Variants in CEP126 observed in about 807,000 individuals in gnomAD.
CEP126 encodes the protein centrosomal protein 126.
CEP126 carries 74 observed loss-of-function variants against 107.8 expected under a neutral mutation model. The observed-to-expected ratio is 0.69, with a 90% confidence interval of 0.57 to 0.83. The LOEUF (loss-of-function observed/expected upper bound fraction) is 0.83. Ranked by LOEUF, CEP126 falls within the 40% of genes least tolerant of loss-of-function variation. CEP126 has a pLI of 0.00. For synonymous variants in CEP126, 449 were observed against 446.0 expected, an observed-to-expected ratio of 1.01 and a Z score of -0.08; for missense variants, 1,237 against 1,281.9, an observed-to-expected ratio of 0.96 and a Z score of 0.53.
intron 8 of CEP126, among the ~76,000 whole-genome samples, chr11:101,985,291 T>TC (rs1341732163): frequency 1.3e-5 from 2 of 152,132 alleles, no homozygotes; most frequent in Non-Finnish European, 2.9e-5. Flanking sequence ...AGTTTCTTTT[T>TC]TTTTTTTTTT....
chr11:101,973,954 A>G (rs1941162725), intron 6 of CEP126, among the ~76,000 whole-genome samples: 1 of 152,180 alleles, frequency 6.6e-6, no homozygotes, highest in South Asian at 2.1e-4. Flanking sequence ...GATCCAATAT[A>G]GATTATATGT....
At chr11:101,941,867 A>G (rs1446194710) in intron 2 of CEP126, among the ~76,000 whole-genome samples, 1 of 151,900 alleles carries the variant, frequency 6.6e-6, no homozygotes, top group Non-Finnish European at 1.5e-5. Flanking sequence ...GTGGCATTTC[A>G]TTGTGGTTTT....
At chr11:101,956,907 G>A (rs1388884797) in intron 4 of CEP126, 3 of 353,594 alleles carry the variant, frequency 8.5e-6, no homozygotes, top group African/African-American at 6.4e-5. Context: ...GAGAAGAAAG[G>A]AATAGAGAAG....
Position 101,927,499 on chromosome 11 carries a change from T to C in CEP126, c.248+4739T>C, listed in dbSNP as rs560530685. On this transcript the variant is annotated intron_variant, in intron 2 of 10. Coordinates refer to ENST00000263468, the MANE Select transcript of CEP126 (RefSeq NM_020802.4). ...TAATAATATGTTTACAGTCAAGAAA[T>C]AGAACAGTTCCATCACCACAAAGAT... Among the ~76,000 whole-genome samples, 9 of 152,194 alleles carry C rather than the reference T, an allele frequency of 5.9e-5. No homozygotes were observed. In the South Asian group the frequency reaches 1.7e-3, roughly 28 times the overall value.
chr11:101,972,437 T>G (rs1941142774), intron 6 of CEP126, among the ~76,000 whole-genome samples: 1 of 150,536 alleles, frequency 6.6e-6, no homozygotes, highest in Non-Finnish European at 1.5e-5. Flanking sequence ...AAAAAAACAA[T>G]ACCTACAGAG....
intron 2 of CEP126, among the ~76,000 whole-genome samples, chr11:101,924,025 CT>C (rs1402621002): frequency 2.0e-5 from 3 of 152,078 alleles, no homozygotes; most frequent in African/African-American, 7.2e-5. Context: ...CAATAATCAA[CT>C]TTAATAGCAA....
At chr11:101,992,062 C>G (rs1435947512) in intron 9 of CEP126, among the ~76,000 whole-genome samples, 1 of 151,900 alleles carries the variant, frequency 6.6e-6, no homozygotes, top group African/African-American at 2.4e-5. Context: ...ATTTCTTAAT[C>G]TAGGTGGTTC....
chr11:101,986,829 T>C lies in CEP126; in HGVS notation c.3035-3T>C, dbSNP rs1941321472. ...AAAGAATAACTGATGTAAGTTTCTG[T>C]AGTTTCAGATAGTACTTCTGAGTTT... On this transcript the variant is annotated splice_region_variant and splice_polypyrimidine_tract_variant and intron_variant, in intron 8 of 10. Coordinates refer to ENST00000263468, the MANE Select transcript of CEP126 (RefSeq NM_020802.4). The C allele has an allele frequency of 6.2e-7, 1 of 1,611,400 alleles. No homozygotes were observed. The highest frequency in any genetic ancestry group is 1.3e-5 in the African/African-American group (1 of 74,844).
rs975299802 is a variant in CEP126, at chr11:101,963,457, T to A, written c.2422T>A (p.Ser808Thr). 2.5e-6 allele frequency: 4 copies of A among 1,613,946 alleles called. No homozygotes were observed. The African/African-American group carries it at 5.3e-5, about 22-fold the overall frequency. The change falls in exon 6 of 11, where the codon TCA becomes ACA. Residue 808 changes from serine to threonine, a missense_variant. Transcript: ENST00000263468. ...ACCTTGTCCTCCTCCTCAATCTACA[T>A]CAAATATTAGAAGTGGTAAAAATAT... ...IIPCPPPQST[S>T]NIRSGKNIQV...
Position 101,922,745 on chromosome 11 carries a change from C to A in CEP126, c.233C>A (p.Ser78Ter). The stretch of plus-strand genomic sequence containing the variant: ...CGAGCACGTAAATATTTTGTGGAGT[C>A]AAATCGGAGAAAAAAGTAAGTAATT... ...RNRARKYFVE[S>*]NRRKKAFEEK... Residue 78 changes from serine (S) to a stop codon, truncating the protein, a stop_gained, in exon 2 of 11, where the codon TCA (serine) becomes TAA (stop). Coordinates refer to ENST00000263468, the MANE Select transcript of CEP126 (RefSeq NM_020802.4). LOFTEE classifies it high-confidence loss of function. 1.9e-6 allele frequency: 3 copies of A among 1,611,484 alleles called. No individual in the cohort carries two copies. In the South Asian group the frequency reaches 3.3e-5, roughly 18 times the overall value.
At chr11:101,941,128 C>T (rs762994785) in intron 2 of CEP126, among the ~76,000 whole-genome samples, 6 of 152,196 alleles carry the variant, frequency 3.9e-5, no homozygotes, top group South Asian at 2.1e-4. Flanking sequence ...TTCCTCCCAA[C>T]AGAAAGTAGA....
intron 4 of CEP126, among the ~76,000 whole-genome samples, chr11:101,948,707 T>G (rs943471140): frequency 6.6e-6 from 1 of 152,116 alleles, no homozygotes; most frequent in African/African-American, 2.4e-5. Context: ...TGCTACTACA[T>G]GTATAGAAGT....
chr11:101,974,698 A>C (rs1280191765), intron 6 of CEP126, among the ~76,000 whole-genome samples: 2 of 152,186 alleles, frequency 1.3e-5, no homozygotes, highest in Non-Finnish European at 2.9e-5. Context: ...TTTTCATATG[A>C]AACTAGGAAT....
chr11:101,937,831 G>A lies in CEP126; in HGVS notation c.249-6434G>A, dbSNP rs185631191. On this transcript the variant is annotated intron_variant, in intron 2 of 10. Transcript: ENST00000263468. ...TTCATATTTTATTTTCTTTTGTGTC[G>A]GTTTTGGAAAGTAGTTTCTTTTAAG... 2.6e-4 allele frequency among the ~76,000 whole-genome samples: 40 copies of A among 151,818 alleles called. 1 individual carries two copies. The East Asian group carries it at 7.4e-3, about 28-fold the overall frequency.
intron 2 of CEP126, among the ~76,000 whole-genome samples, chr11:101,937,857 A>G (rs58379466): frequency 0.027 from 4,048 of 152,058 alleles, 71 homozygotes; most frequent in African/African-American, 0.047. Flanking sequence ...TTCTTTTAAG[A>G]AATTGGTCCA....
intron 6 of CEP126, among the ~76,000 whole-genome samples, chr11:101,975,421 A>C (rs774271420): frequency 7.9e-5 from 12 of 152,248 alleles, no homozygotes; most frequent in Admixed American, 1.3e-4. Flanking sequence ...GACACAATCA[A>C]TCAGAATGAA....
intron 9 of CEP126, among the ~76,000 whole-genome samples, chr11:101,990,599 G>C (rs1941367560): frequency 6.6e-6 from 1 of 152,172 alleles, no homozygotes; most frequent in African/African-American, 2.4e-5. Flanking sequence ...GCAGGAGAAA[G>C]AGAGGCCACA....
Position 101,928,976 on chromosome 11 carries a change from A to T in CEP126, c.248+6216A>T, listed in dbSNP as rs138615066. Among the ~76,000 whole-genome samples the T allele has an allele frequency of 7.8e-3, 1,191 of 152,310 alleles. 21 individuals carry two copies. The highest frequency in any genetic ancestry group is 0.027 in the African/African-American group (1,131 of 41,570). ...ACCTGTATATCAATGTGGGATGGGG[A>T]AAACTGACATCTTCACTATGTTGGA... On this transcript the variant is annotated intron_variant, in intron 2 of 10. Transcript: ENST00000263468.
At chr11:101,981,235 C>A (rs574492296) in intron 7 of CEP126, among the ~76,000 whole-genome samples, 21 of 152,314 alleles carry the variant, frequency 1.4e-4, no homozygotes, top group Admixed American at 1.4e-3. Flanking sequence ...TTCACCCTTA[C>A]AATGACAAAC....
Sources: gnomAD v4.1 joint callset for allele counts (sites outside exome capture counted in the v4.1 genomes callset) on GRCh38, gnomAD v4.1.1 for gene constraint, MANE v1.5 for transcripts, NCBI Gene and HGNC (gene_info 2026-07-23, HGNC 2026-07-21) for gene names.